CNTN1: variants seen among roughly 807,000 people sequenced by gnomAD.
The protein encoded by CNTN1 is contactin 1, also known as contactin-1.
In CNTN1, 38 loss-of-function variants were observed where a neutral mutation model predicts 126.4. The ratio of observed to expected loss-of-function variants is 0.30; its 90% CI spans 0.23 to 0.39. The LOEUF is 0.39. Among genes scored for constraint, CNTN1 ranks in the 10% least tolerant of loss-of-function variants. The probability of loss-of-function intolerance (pLI) is 1.00; values close to 1 mark genes in which losing one functional copy is unlikely to be tolerated. For synonymous variants in CNTN1, 413 were observed against 422.6 expected (o/e 0.98, Z 0.28); for missense variants, 1,009 against 1,248.4 (o/e 0.81, Z 2.89).
intron 1 of CNTN1, among the ~76,000 whole-genome samples, chr12:40,696,214 C>T (rs563112429): frequency 6.6e-6 from 1 of 152,300 alleles, no homozygotes; most frequent in South Asian, 2.1e-4. Context: ...GCTTTTTCCC[C>T]ATCAATAGGC....
intron 15 of CNTN1, chr12:40,978,842 C>T (rs529592796): frequency 7.9e-5 from 12 of 152,194 alleles, no homozygotes; most frequent in Admixed American, 2.0e-4. Flanking sequence ...TTCCCTTTAA[C>T]GTTTTCTGAA....
Position 40,844,069 on chromosome 12 carries a change from A to ATTTTTT in CNTN1, c.-76-64277_-76-64272dup, listed in dbSNP as rs397957366. 3.9e-3 allele frequency among the ~76,000 whole-genome samples: 334 copies of ATTTTTT among 84,650 alleles called. 70 individuals carry two copies. The highest frequency in any genetic ancestry group is 0.01 in the South Asian group (24 of 2,288). The allele number at this position is 84,650 out of a possible 152,430, so 55.5% of individuals were successfully genotyped here. A position where few individuals can be genotyped will look rare whatever the true frequency, so the allele number is the denominator to read the frequency against. ...ATTGAAAAAATTCTTTGGCACAATG[A>ATTTTTT]TTTTTTTTTTTTTTTTGAGACGGAG... On this transcript the variant is annotated intron_variant, in intron 1 of 23. Coordinates refer to ENST00000551295, the MANE Select transcript of CNTN1 (RefSeq NM_001843.4).
intron 18 of CNTN1, among the ~76,000 whole-genome samples, chr12:41,015,274 A>G (rs1016792545): frequency 3.3e-5 from 5 of 152,200 alleles, no homozygotes; most frequent in African/African-American, 9.6e-5. Flanking sequence ...AAATGCAAAT[A>G]TTATAAAAAT....
chr12:40,735,098 A>G (rs17128710), intron 1 of CNTN1, among the ~76,000 whole-genome samples: 3,321 of 152,240 alleles, frequency 0.022, 52 homozygotes, highest in African/African-American at 0.045. Context: ...TGAATGTTTC[A>G]AAGGATATTT....
chr12:40,985,179 T>C (rs1038162942), intron 16 of CNTN1, among the ~76,000 whole-genome samples: 1 of 152,138 alleles, frequency 6.6e-6, no homozygotes, highest in Non-Finnish European at 1.5e-5. Context: ...TGACAGTTTT[T>C]GTTTTTCTTT....
Position 40,927,083 on chromosome 12 carries a change from A to G in CNTN1, c.496+2431A>G, listed in dbSNP as rs187336161. Among the ~76,000 whole-genome samples, 117 of 152,168 alleles carry G rather than the reference A, an allele frequency of 7.7e-4. 1 individual carries two copies. The highest frequency in any genetic ancestry group is 2.6e-3 in the African/African-American group (110 of 41,538). ...TTCATCATTCAATAAGTTGTTTTCA[A>G]AACTATGGGACTGCAATGTGCTTAC... On this transcript the variant is annotated intron_variant, in intron 6 of 23. Transcript: ENST00000551295.
chr12:40,805,223 T>A (rs1940802844), intron 1 of CNTN1, among the ~76,000 whole-genome samples: 1 of 151,984 alleles, frequency 6.6e-6, no homozygotes, highest in Admixed American at 6.6e-5. Flanking sequence ...TGGAACATTT[T>A]CAATAACTAT....
chr12:40,967,012 T>C (rs974291209), intron 15 of CNTN1, among the ~76,000 whole-genome samples: 2 of 152,196 alleles, frequency 1.3e-5, no homozygotes, highest in East Asian at 3.9e-4. Flanking sequence ...CTTTTTTTGC[T>C]GCACATTTAG....
chr12:40,852,923 A>G (rs1209809702), intron 1 of CNTN1, among the ~76,000 whole-genome samples: 1 of 151,468 alleles, frequency 6.6e-6, no homozygotes, highest in Non-Finnish European at 1.5e-5. Flanking sequence ...TTGATCTAGT[A>G]TCTACTAGTT....
At chr12:40,928,663 T>C (rs1226642261) in intron 6 of CNTN1, among the ~76,000 whole-genome samples, 1 of 152,102 alleles carries the variant, frequency 6.6e-6, no homozygotes, top group Non-Finnish European at 1.5e-5. Context: ...CCTGTCTTGA[T>C]GTTGTATTTT....
At chr12:40,704,969 C>G (rs2121131184) in intron 1 of CNTN1, among the ~76,000 whole-genome samples, 1 of 152,226 alleles carries the variant, frequency 6.6e-6, no homozygotes, top group South Asian at 2.1e-4. Flanking sequence ...AAAAGCTTAT[C>G]CTTGCAATAA....
intron 3 of CNTN1, 91 bp downstream of exon 3, chr12:40,910,196 T>G (rs1355213805): frequency 2.0e-5 from 20 of 1,019,178 alleles, no homozygotes; most frequent in Non-Finnish European, 2.9e-5. Context: ...CTCTAAACTT[T>G]AAGGCAAATG....
At chr12:40,703,015 G>GTA (rs1025706003) in intron 1 of CNTN1, among the ~76,000 whole-genome samples, 4 of 149,188 alleles carry the variant, frequency 2.7e-5, no homozygotes, top group African/African-American at 7.4e-5. Context: ...TAGCCAAGAG[G>GTA]TATATATATA....
At chr12:40,849,984 T>C in intron 1 of CNTN1, among the ~76,000 whole-genome samples, 1 of 152,050 alleles carries the variant, frequency 6.6e-6, no homozygotes, top group East Asian at 1.9e-4. Context: ...GATCTATATA[T>C]ATATATGTGG....
chr12:40,883,170 A>G (rs1943925853), intron 1 of CNTN1, among the ~76,000 whole-genome samples: 1 of 151,624 alleles, frequency 6.6e-6, no homozygotes, highest in African/African-American at 2.4e-5. Flanking sequence ...ATGTTTTTAG[A>G]TTCCCAGGTG....
intron 1 of CNTN1, among the ~76,000 whole-genome samples, chr12:40,697,771 CTAT>C (rs2121093274): frequency 6.6e-6 from 1 of 152,244 alleles, no homozygotes; most frequent in Non-Finnish European, 1.5e-5. Flanking sequence ...TATTAAGATC[CTAT>C]TATTCTTTAG....
At chr12:40,935,145 T>A (rs1050393762) in intron 9 of CNTN1, among the ~76,000 whole-genome samples, 2 of 151,998 alleles carry the variant, frequency 1.3e-5, no homozygotes, top group African/African-American at 4.8e-5. Flanking sequence ...ACATTTACTC[T>A]GAACTTCAGA....
At chr12:40,836,398 T>A (rs938514285) in intron 1 of CNTN1, among the ~76,000 whole-genome samples, 2 of 151,540 alleles carry the variant, frequency 1.3e-5, no homozygotes, top group African/African-American at 4.8e-5. Flanking sequence ...ATTGTAAATC[T>A]CTTGAGGTTA....
chr12:40,899,290 C>G (rs567102815), intron 1 of CNTN1, among the ~76,000 whole-genome samples: 2 of 152,116 alleles, frequency 1.3e-5, no homozygotes, highest in African/African-American at 2.4e-5. Flanking sequence ...AATCTCAGAT[C>G]GGTTTGAATT....
Sources: allele counts gnomAD v4.1 joint callset (sites outside exome capture counted in the v4.1 genomes callset), GRCh38; gene constraint gnomAD v4.1.1; transcripts MANE v1.5; gene names NCBI Gene and HGNC (gene_info 2026-07-23, HGNC 2026-07-21).